Variants in EMILIN1 observed in about 807,000 individuals in gnomAD.
EMILIN1 encodes EMILIN-1.
A neutral mutation model predicts 82.4 loss-of-function variants in EMILIN1; 49 were observed. That is an observed-to-expected ratio of 0.59 (90% confidence interval 0.47 to 0.75). EMILIN1 has a LOEUF of 0.75. Ranked by LOEUF, EMILIN1 falls within the 30% of genes least tolerant of loss-of-function variation. The pLI, the probability that EMILIN1 is intolerant of heterozygous loss-of-function variation, is 0.00. For synonymous variants in EMILIN1, 604 were observed against 602.2 expected (o/e 1.00, Z -0.04); for missense variants, 1,313 against 1,366.4 (o/e 0.96, Z 0.62).
At position 27,083,307 on chromosome 2, in the gene EMILIN1, A is replaced by T; in HGVS notation, c.1736A>T (p.Asp579Val). The T allele has an allele frequency of 6.2e-7, 1 of 1,613,236 alleles. No individual in the cohort carries two copies. The highest frequency in any genetic ancestry group is 1.3e-5 in the African/African-American group (1 of 75,020). ...GAGGGGCTGCTGCAGGCCCATGGGG[A>T]TGAGGGCTGTGGGGCCTGTGGCGGA... is the stretch of plus-strand genomic sequence containing the variant. Reference protein sequence around the residue: ...QLEGLLQAHGDEGCGACGGVQ... With the variant: ...QLEGLLQAHGVEGCGACGGVQ... The change falls in exon 4 of 8, where the codon GAT (aspartate) becomes GTT (valine). Residue 579 changes from aspartate (D) to valine (V), a missense_variant. By Grantham distance (152) the Asp-to-Val change is radical. Transcript: ENST00000380320.
Position 27,085,213 on chromosome 2 carries a change from C to CT in EMILIN1, c.2630dup (p.Ser878GlufsTer6). On this transcript the variant is annotated frameshift_variant, in exon 7 of 8. Coordinates refer to ENST00000380320, the MANE Select transcript of EMILIN1 (RefSeq NM_007046.4). LOFTEE classifies it high-confidence loss of function. Reference sequence around the variant, plus strand: ...GCCCCAAGTGGCATTTTCAGCTGCTCTGAGTTTGCCCCGGTCTGAACCAGG... The same window carrying CT: ...GCCCCAAGTGGCATTTTCAGCTGCTCTTGAGTTTGCCCCGGTCTGAACCAGG... 1.2e-6 allele frequency: 2 copies of CT among 1,614,186 alleles called. No individual in the cohort carries two copies. Among genetic ancestry groups the CT allele is most frequent in the Middle Eastern group, 1.6e-4 (1 of 6,062 alleles).
chr2:27,084,703 C>T (rs1669560726), intron 5 of EMILIN1, among the ~76,000 whole-genome samples, 172 bp downstream of exon 5: 2 of 152,214 alleles, frequency 1.3e-5, no homozygotes, highest in South Asian at 4.1e-4. Context: ...CTGTGATAGT[C>T]ACTGTGTTTG....
rs1439459783 is a variant in EMILIN1, at chr2:27,085,303, C to T, written c.2713+6C>T. 3 of 1,613,872 alleles carry T rather than the reference C, an allele frequency of 1.9e-6. No individual in the cohort carries two copies. Among genetic ancestry groups the T allele is most frequent in the African/African-American group, 2.7e-5 (2 of 75,062 alleles). On this transcript the variant is annotated splice_donor_region_variant and intron_variant, in intron 7 of 7. Coordinates refer to ENST00000380320, the MANE Select transcript of EMILIN1 (RefSeq NM_007046.4). ...CTATTATGATCCAGAGACAGGTAGT[C>T]CTGGGAGGGGCTGGGTTGAACGGTT...
At chr2:27,079,265 G>C in intron 1 of EMILIN1, 30 bp downstream of exon 1, 1 of 1,525,388 alleles carries the variant, frequency 6.6e-7, no homozygotes, top group Non-Finnish European at 8.7e-7. Context: ...CCCGAGGCTT[G>C]GGTGGTGAGG....
chr2:27,083,906 C>G lies in EMILIN1; in HGVS notation c.2335C>G (p.Leu779Val). The change falls in exon 4 of 8, where the codon CTG becomes GTG. Residue 779 changes from leucine to valine, a missense_variant. By Grantham distance (32) the Leu-to-Val change is conservative. Transcript: ENST00000380320. Reference protein sequence around the residue: ...SQMQAALLEKLVGGQAGLGRR... With the variant: ...SQMQAALLEKVVGGQAGLGRR... ...GATGCAGGCAGCCCTGCTGGAGAAG[C>G]TGGTCGGGGGACAGGCGGGCCTGGG... The G allele has an allele frequency of 6.2e-7, 1 of 1,608,564 alleles. No homozygotes were observed. Among genetic ancestry groups the G allele is most frequent in the Non-Finnish European group, 8.5e-7 (1 of 1,176,496 alleles).
intron 6 of EMILIN1, 70 bp from the exon 7 acceptor site, chr2:27,085,090 G>T (rs1185303098): frequency 1.2e-6 from 2 of 1,612,708 alleles, no homozygotes; most frequent in African/African-American, 2.7e-5. Context: ...CTGGGCTGGG[G>T]ATCCAGCAGG....
At chr2:27,084,880 C>T in intron 5 of EMILIN1, 111 bp from the exon 6 acceptor site, 1 of 1,032,036 alleles carries the variant, frequency 9.7e-7, no homozygotes, top group Non-Finnish European at 1.5e-6. Flanking sequence ...CCAATTCCTG[C>T]TTTGAAGTCC....
intron 1 of EMILIN1, among the ~76,000 whole-genome samples, chr2:27,079,940 G>A (rs1031525332): frequency 1.5e-4 from 23 of 152,214 alleles, no homozygotes; most frequent in African/African-American, 3.1e-4. Context: ...TCCATTCTGC[G>A]CGTCTCCCCA....
chr2:27,080,145 C>G lies in EMILIN1; in HGVS notation c.171-6C>G. On this transcript the variant is annotated splice_polypyrimidine_tract_variant and splice_region_variant and intron_variant, in intron 1 of 7. Coordinates refer to ENST00000380320, the MANE Select transcript of EMILIN1 (RefSeq NM_007046.4). ...TCCTTGGACCCAGAGGGGGTTGTACCTACAGGAACTGGTGTGCCTACGTGG... is the reference window on the plus strand; with the variant it reads ...TCCTTGGACCCAGAGGGGGTTGTACGTACAGGAACTGGTGTGCCTACGTGG... 1.2e-6 allele frequency: 2 copies of G among 1,613,892 alleles called. No homozygotes were observed. The highest frequency in any genetic ancestry group is 2.2e-5 in the East Asian group (1 of 44,874).
Position 27,082,957 on chromosome 2 carries a change from G to T in EMILIN1, c.1386G>T (p.Gly462=). ...CCAATGTGAGCGGGGAGCTGGGGGG[G>T]CGGTTGGATCTGTTGGAGGAGCAGG... ...LLANVSGELG[G]RLDLLEEQVA... Residue 462 remains glycine (G), a synonymous_variant, in exon 4 of 8, where the codon GGG becomes GGT. Transcript: ENST00000380320. 1.3e-6 allele frequency: 2 copies of T among 1,579,244 alleles called. No homozygotes were observed. Among genetic ancestry groups the T allele is most frequent in the Non-Finnish European group, 1.7e-6 (2 of 1,160,960 alleles).
chr2:27,086,318 T>G lies in EMILIN1; in HGVS notation c.*303T>G. The stretch of plus-strand genomic sequence containing the variant: ...CCACTGGCCCTCCAGGTCGATTCCC[T>G]GGGCTCCAGGCTCCCCCGCGCGGGC... On this transcript the variant is annotated 3_prime_UTR_variant, in exon 8 of 8. Transcript: ENST00000380320. 1 of 317,822 alleles carries G rather than the reference T, an allele frequency of 3.1e-6. No homozygotes were observed. Among genetic ancestry groups the G allele is most frequent in the Non-Finnish European group, 5.7e-6 (1 of 174,772 alleles). The allele number at this position is 317,822 out of a possible 1,614,324, so 19.7% of individuals were successfully genotyped here.
In EMILIN1 at chr2:27,085,765, C is replaced by A. The variant is rs770827268; in HGVS notation, c.2801C>A (p.Ser934Tyr). Residue 934 changes from serine to tyrosine, a missense_variant, in exon 8 of 8, where the codon TCC (serine) becomes TAC (tyrosine). Ser to Tyr is a moderately radical substitution (Grantham distance 144). Coordinates refer to ENST00000380320, the MANE Select transcript of EMILIN1 (RefSeq NM_007046.4). ...HRHEKVEAVL[S>Y]RSNQGVARVD... ...CACGAGAAAGTGGAGGCCGTGCTGT[C>A]CCGCTCCAACCAGGGCGTGGCCCGC... 6.2e-7 allele frequency: 1 copy of A among 1,612,584 alleles called. No homozygotes were observed. The highest frequency in any genetic ancestry group is 1.1e-5 in the South Asian group (1 of 91,088).
At position 27,085,756 on chromosome 2, in the gene EMILIN1, C is replaced by T. The variant is rs1305855692; in HGVS notation, c.2792C>T (p.Ala931Val). Residue 931 changes from alanine (A) to valine (V), a missense_variant, in exon 8 of 8, where the codon GCC becomes GTC. By Grantham distance (64) the Ala-to-Val change is moderately conservative (BLOSUM62 0). Coordinates refer to ENST00000380320, the MANE Select transcript of EMILIN1 (RefSeq NM_007046.4). Reference sequence around the variant, plus strand: ...GGGCACCGGCACGAGAAAGTGGAGGCCGTGCTGTCCCGCTCCAACCAGGGC... The same window carrying T: ...GGGCACCGGCACGAGAAAGTGGAGGTCGTGCTGTCCCGCTCCAACCAGGGC... ...LTGHRHEKVEAVLSRSNQGVA... is the reference protein window; with the variant it reads ...LTGHRHEKVEVVLSRSNQGVA... 6.2e-7 allele frequency: 1 copy of T among 1,611,810 alleles called. No homozygotes were observed. Among genetic ancestry groups the T allele is most frequent in the Admixed American group, 1.7e-5 (1 of 60,008 alleles).
Position 27,082,857 on chromosome 2 carries a change from C to T in EMILIN1, c.1286C>T (p.Pro429Leu), listed in dbSNP as rs1177833427. Residue 429 changes from proline to leucine, a missense_variant, in exon 4 of 8, where the codon CCT becomes CTT. Pro to Leu is a moderately conservative substitution (Grantham distance 98). Coordinates refer to ENST00000380320, the MANE Select transcript of EMILIN1 (RefSeq NM_007046.4). The part of the protein sequence containing the change: ...GPSEEQEESW[P>L]GAPGGLSHWL... ...TCGGAGGAGCAGGAGGAGAGCTGGC[C>T]TGGGGCTCCTGGGGGGCTGAGCCAC... is the stretch of plus-strand genomic sequence containing the variant. 6.3e-7 allele frequency: 1 copy of T among 1,585,462 alleles called. No homozygotes were observed. The highest frequency in any genetic ancestry group is 2.3e-5 in the East Asian group (1 of 44,366).
In EMILIN1 at chr2:27,084,503, C is replaced by T. The variant is rs759512215; in HGVS notation, c.2529C>T (p.Asp843=). 5.0e-6 allele frequency: 8 copies of T among 1,612,680 alleles called. No homozygotes were observed. Among genetic ancestry groups the T allele is most frequent in the South Asian group, 3.3e-5 (3 of 91,076 alleles). ...PAGPPGSPGK[D]GQEGPIGPPG... The stretch of plus-strand genomic sequence containing the variant: ...GACCTCCAGGATCACCAGGCAAGGA[C>T]GGGCAAGAGGGCCCCATCGGGCCAC... The change falls in exon 5 of 8, where the codon GAC becomes GAT. Residue 843 remains aspartate, a synonymous_variant. Transcript: ENST00000380320.
rs770482130 is a variant in EMILIN1, at chr2:27,080,817, G to A, written c.376G>A (p.Gly126Ser). The A allele has an allele frequency of 4.0e-5, 65 of 1,613,442 alleles. No individual in the cohort carries two copies. The highest frequency in any genetic ancestry group is 5.3e-5 in the Non-Finnish European group (62 of 1,179,958). Reference protein sequence around the residue: ...MEWRCCQGYGGDDCAESPAPA... With the variant: ...MEWRCCQGYGSDDCAESPAPA... ...GTGGAGGTGCTGTCAGGGTTATGGG[G>A]GCGATGACTGTGCTGAGAGTCCCGC... Residue 126 changes from glycine to serine, a missense_variant, in exon 3 of 8, where the codon GGC becomes AGC. Gly to Ser is a moderately conservative substitution (Grantham distance 56). Transcript: ENST00000380320.
Position 27,082,625 on chromosome 2 carries a change from G to A in EMILIN1, c.1054G>A (p.Glu352Lys). Residue 352 changes from glutamate (E) to lysine (K), a missense_variant, in exon 4 of 8, where the codon GAA becomes AAA. Physicochemically the swap from Glu to Lys is moderately conservative, Grantham distance 56. Coordinates refer to ENST00000380320, the MANE Select transcript of EMILIN1 (RefSeq NM_007046.4). ...GGCGGTGGGCCGCAGGCCCCCTCAG[G>A]AATGCTGCTCTCCAGAGCTGGGCCG... ...GLAVGRRPPQ[E>K]CCSPELGRRL... The A allele has an allele frequency of 3.9e-6, 6 of 1,545,414 alleles. No individual in the cohort carries two copies. Among genetic ancestry groups the A allele is most frequent in the East Asian group, 2.4e-5 (1 of 41,090 alleles).
Position 27,085,223 on chromosome 2 carries a change from C to G in EMILIN1, c.2639C>G (p.Pro880Arg), listed in dbSNP as rs1274944834. 1 of 1,614,172 alleles carries G rather than the reference C, an allele frequency of 6.2e-7. No homozygotes were observed. The highest frequency in any genetic ancestry group is 1.1e-5 in the South Asian group (1 of 91,090). ...GCATTTTCAGCTGCTCTGAGTTTGC[C>G]CCGGTCTGAACCAGGCACGGTCCCC... ...QVAFSAALSL[P>R]RSEPGTVPFD... The change falls in exon 7 of 8, where the codon CCC becomes CGC. Residue 880 changes from proline (P) to arginine (R), a missense_variant. Physicochemically the swap from Pro to Arg is moderately radical, Grantham distance 103. Transcript: ENST00000380320.
intron 4 of EMILIN1, 42 bp downstream of exon 4, chr2:27,084,053 T>G: frequency 7.0e-7 from 1 of 1,433,042 alleles, no homozygotes; most frequent in Non-Finnish European, 9.2e-7. Context: ...TTCAAGCCCC[T>G]TATTTTTCTT....
Sources: gnomAD v4.1 joint callset for allele counts (sites outside exome capture counted in the v4.1 genomes callset) on GRCh38, gnomAD v4.1.1 for gene constraint, MANE v1.5 for transcripts, NCBI Gene and HGNC (gene_info 2026-07-23, HGNC 2026-07-21) for gene names.